DCTN2: variants seen among roughly 807,000 people sequenced by gnomAD.
DCTN2 encodes the protein dynactin subunit 2.
DCTN2 carries 18 observed loss-of-function variants against 55.4 expected under a neutral mutation model. The observed-to-expected ratio is 0.32, with a 90% confidence interval of 0.22 to 0.48. DCTN2 has a LOEUF of 0.48. DCTN2 is among the 20% of genes least tolerant of loss of function. The pLI, the probability that DCTN2 is intolerant of heterozygous loss-of-function variation, is 0.99. For missense variants in DCTN2, 390 were observed against 491.0 expected (o/e 0.79, Z 1.94); for synonymous variants, 168 against 185.2 (o/e 0.91, Z 0.76).
intron 13 of DCTN2, among the ~76,000 whole-genome samples, chr12:57,531,511 T>C (rs968337162): frequency 9.2e-5 from 14 of 152,124 alleles, no homozygotes; most frequent in African/African-American, 3.1e-4. Flanking sequence ...AGCGAGACTC[T>C]GTCTTAAAAA....
intron 2 of DCTN2, among the ~76,000 whole-genome samples, chr12:57,541,785 T>TG (rs1880714994): frequency 5.3e-5 from 8 of 152,144 alleles, no homozygotes. Flanking sequence ...GAATTCTATT[T>TG]GGGAATTAGT....
chr12:57,545,338 C>T (rs966919757), intron 2 of DCTN2, among the ~76,000 whole-genome samples: 1 of 152,028 alleles, frequency 6.6e-6, no homozygotes, highest in African/African-American at 2.4e-5. Context: ...ATCCTAATTC[C>T]CCATTAGTCT....
At chr12:57,536,199 C>T (rs1880219017) in intron 2 of DCTN2, 1 of 245,226 alleles carries the variant, frequency 4.1e-6, no homozygotes, top group East Asian at 8.2e-5. Context: ...CCTCTTTTAA[C>T]CTCCCCCTCC....
At chr12:57,537,084 C>T (rs925642185) in intron 2 of DCTN2, among the ~76,000 whole-genome samples, 1 of 151,194 alleles carries the variant, frequency 6.6e-6, no homozygotes, top group Non-Finnish European at 1.5e-5. Flanking sequence ...AGTGATCCAC[C>T]CGCCTCGGCC....
Position 57,530,534 on chromosome 12 carries a change from G to A in DCTN2, c.*155C>T, listed in dbSNP as rs1879569332. 3 of 621,374 alleles carry A rather than the reference G, an allele frequency of 4.8e-6. No homozygotes were observed. The highest frequency in any genetic ancestry group is 2.8e-5 in the East Asian group (1 of 35,678). The allele number at this position is 621,374 out of a possible 1,614,324, so 38.5% of individuals were successfully genotyped here. On this transcript the variant is annotated 3_prime_UTR_variant, in exon 14 of 14. Coordinates refer to ENST00000548249, the MANE Select transcript of DCTN2 (RefSeq NM_001261413.2). The stretch of plus-strand genomic sequence containing the variant: ...AGCTACCACTCTGTATTCATCAGGG[G>A]AGGGGTATAAACCCCACATGCAAGA...
chr12:57,544,875 C>T (rs1332484411), intron 2 of DCTN2, among the ~76,000 whole-genome samples: 1 of 152,124 alleles, frequency 6.6e-6, no homozygotes, highest in Non-Finnish European at 1.5e-5. Context: ...ACATCATCTG[C>T]ATTATCTCCA....
intron 2 of DCTN2, among the ~76,000 whole-genome samples, chr12:57,542,361 G>A (rs753317972): frequency 1.6e-4 from 24 of 152,020 alleles, no homozygotes; most frequent in Admixed American, 8.5e-4. Flanking sequence ...TATGGGAATC[G>A]GAAAATGTTT....
intron 2 of DCTN2, among the ~76,000 whole-genome samples, chr12:57,542,536 C>T (rs912610897): frequency 3.9e-5 from 6 of 151,964 alleles, no homozygotes; most frequent in Admixed American, 2.6e-4. Flanking sequence ...TCTGGAGACC[C>T]GGCTGGCATG....
intron 2 of DCTN2, chr12:57,541,379 T>C: frequency 1.3e-6 from 2 of 1,599,142 alleles, no homozygotes; most frequent in Non-Finnish European, 1.7e-6. Context: ...CAAACTAGTG[T>C]CCAGGCAAGG....
chr12:57,538,013 A>T (rs760118414), intron 2 of DCTN2, among the ~76,000 whole-genome samples: 7 of 152,224 alleles, frequency 4.6e-5, no homozygotes, highest in African/African-American at 7.2e-5. Context: ...GAGGAATGGG[A>T]GGCATAACCT....
intron 1 of DCTN2, 139 bp from the exon 2 acceptor site, chr12:57,546,235 T>G: frequency 1.4e-6 from 1 of 736,982 alleles, no homozygotes; most frequent in Admixed American, 2.2e-5. Context: ...ACCTGCCCCG[T>G]GAGTCAACAG....
chr12:57,535,329 G>A, intron 4 of DCTN2, 155 bp downstream of exon 4: 1 of 1,084,140 alleles, frequency 9.2e-7, no homozygotes, highest in Non-Finnish European at 1.4e-6. Context: ...AGAACAAACA[G>A]CAGTAGGGCA....
intron 2 of DCTN2, chr12:57,538,234 C>G (rs1880403466): frequency 3.8e-6 from 2 of 532,380 alleles, no homozygotes; most frequent in Non-Finnish European, 7.0e-6. Context: ...GGGAGAGTGT[C>G]CTGGGCCAGT....
At chr12:57,546,197 G>C (rs1881138617) in intron 1 of DCTN2, 101 bp from the exon 2 acceptor site, 2 of 1,128,902 alleles carry the variant, frequency 1.8e-6, no homozygotes, top group Non-Finnish European at 2.6e-6. Context: ...GGCGGGGTGT[G>C]ATGTCAGGGT....
At position 57,532,294 on chromosome 12, in the gene DCTN2, T is replaced by C. The variant is rs377486167; in HGVS notation, c.946A>G (p.Ile316Val). ...QSKVHQLYETIQRWSPIASTL... is the reference protein window; with the variant it reads ...QSKVHQLYETVQRWSPIASTL... ...GAGGCAATGGGGCTCCAGCGCTGTA[T>C]AGTTTCATATAGCTGGTGCACCTGA... The change falls in exon 12 of 14, where the codon ATA (isoleucine) becomes GTA (valine). Residue 316 changes from isoleucine (I) to valine (V), a missense_variant. Physicochemically the swap from Ile to Val is conservative, Grantham distance 29. Coordinates refer to ENST00000548249, the MANE Select transcript of DCTN2 (RefSeq NM_001261413.2). 8 of 1,560,394 alleles carry C rather than the reference T, an allele frequency of 5.1e-6. No individual in the cohort carries two copies. The African/African-American group carries it at 8.2e-5, about 16-fold the overall frequency.
At chr12:57,546,917 T>C (rs1483573137) in intron 1 of DCTN2, 111 bp downstream of exon 1, 4 of 933,614 alleles carry the variant, frequency 4.3e-6, no homozygotes, top group Admixed American at 4.3e-5. Flanking sequence ...GCGGGAGCCC[T>C]TGGGCGGAGG....
rs1191094041 is a variant in DCTN2, at chr12:57,541,771, G to T, written c.105+4257C>A. ...GGGTTAGGGTCGGGGTGTGTGTGTG[G>T]GTGGAATTCTATTTGGGAATTAGTT... On this transcript the variant is annotated intron_variant, in intron 2 of 13. Coordinates refer to ENST00000548249, the MANE Select transcript of DCTN2 (RefSeq NM_001261413.2). Among the ~76,000 whole-genome samples, 3 of 152,098 alleles carry T rather than the reference G, an allele frequency of 2.0e-5. No homozygotes were observed. The East Asian group carries it at 5.8e-4, about 29-fold the overall frequency.
At chr12:57,542,363 A>G (rs1235973082) in intron 2 of DCTN2, among the ~76,000 whole-genome samples, 1 of 152,168 alleles carries the variant, frequency 6.6e-6, no homozygotes, top group East Asian at 1.9e-4. Context: ...TGGGAATCGG[A>G]AAATGTTTAT....
chr12:57,539,390 A>G (rs990156587), intron 2 of DCTN2, among the ~76,000 whole-genome samples: 2 of 152,216 alleles, frequency 1.3e-5, no homozygotes, highest in African/African-American at 2.4e-5. Flanking sequence ...CATGTGCAGA[A>G]CATGTTTCTT....
Sources: allele counts gnomAD v4.1 joint callset (sites outside exome capture counted in the v4.1 genomes callset), GRCh38; gene constraint gnomAD v4.1.1; transcripts MANE v1.5; gene names NCBI Gene and HGNC (gene_info 2026-07-23, HGNC 2026-07-21).